CLPTM1L: variants seen among roughly 807,000 people sequenced by gnomAD.
The protein encoded by CLPTM1L is CLPTM1 like.
CLPTM1L carries 38 observed loss-of-function variants against 70.9 expected under a neutral mutation model. The observed-to-expected ratio is 0.54, with a 90% CI of 0.41 to 0.70. The LOEUF (loss-of-function observed/expected upper bound fraction) is 0.70, where lower values mean the gene tolerates loss of function less well. Ranked by LOEUF, CLPTM1L falls within the 30% of genes least tolerant of loss-of-function variation. The pLI, the probability that CLPTM1L is intolerant of heterozygous loss-of-function variation, is 0.00. For synonymous variants in CLPTM1L, 339 were observed against 299.9 expected (o/e 1.13, Z -1.35); for missense variants, 652 against 705.9 (o/e 0.92, Z 0.87).
At chr5:1,326,773 GCTC>G (rs1448670603) in intron 9 of CLPTM1L, among the ~76,000 whole-genome samples, 1 of 150,258 alleles carries the variant, frequency 6.7e-6, no homozygotes, top group East Asian at 2.0e-4. Flanking sequence ...AATCCATCCA[GCTC>G]CTCCTCTACA....
At position 1,341,565 on chromosome 5, in the gene CLPTM1L, A is replaced by G. The variant is rs1015977109; in HGVS notation, c.453+106T>C. On this transcript the variant is annotated intron_variant, in intron 3 of 16. Transcript: ENST00000320895. Reference sequence around the variant, plus strand: ...TCCAATGGCTTTTGGCTTTACTCCCAACAAAGTCACTGGAGCCCTAGACAT... The same window carrying G: ...TCCAATGGCTTTTGGCTTTACTCCCGACAAAGTCACTGGAGCCCTAGACAT... 8.0e-6 allele frequency: 8 copies of G among 993,986 alleles called. No individual in the cohort carries two copies. The African/African-American group carries it at 1.1e-4, about 14-fold the overall frequency. 61.6% of individuals were successfully genotyped at this position (993,986 alleles called of 1,614,324 possible).
intron 9 of CLPTM1L, 124 bp from the exon 10 acceptor site, chr5:1,325,940 C>T: frequency 2.6e-6 from 2 of 756,494 alleles, no homozygotes; most frequent in African/African-American, 1.7e-5. Flanking sequence ...CTGTCCTCTT[C>T]CTGTCCCTCC....
In CLPTM1L at chr5:1,338,897, A is replaced by G; in HGVS notation, c.562T>C (p.Ser188Pro). Reference protein sequence around the residue: ...VMADNFVFDGSSLPADVHRYM... With the variant: ...VMADNFVFDGPSLPADVHRYM... ...CGATGCACATCGGCAGGCAGGGAGG[A>G]CCCGTCAAAGACAAAGTTGTCCGCC... Residue 188 changes from serine to proline, a missense_variant, in exon 4 of 17, where the codon TCC becomes CCC. By Grantham distance (74) the Ser-to-Pro change is moderately conservative. This residue lies in a region of CLPTM1L where 402 missense variants were observed against 388.2 expected (regional missense o/e 1.04). Transcript: ENST00000320895. 1 of 1,613,280 alleles carries G rather than the reference A, an allele frequency of 6.2e-7. No individual in the cohort carries two copies. Among genetic ancestry groups the G allele is most frequent in the Non-Finnish European group, 8.5e-7 (1 of 1,180,036 alleles).
intron 2 of CLPTM1L, 75 bp downstream of exon 2, chr5:1,344,276 A>C: frequency 9.9e-7 from 1 of 1,008,700 alleles, no homozygotes; most frequent in South Asian, 1.3e-5. Flanking sequence ...TGTTATGTAC[A>C]GAAAGCTAAC....
intron 7 of CLPTM1L, chr5:1,332,236 C>A: frequency 3.9e-6 from 1 of 258,280 alleles, no homozygotes; most frequent in Non-Finnish European, 7.5e-6. Flanking sequence ...CCTCATCTCT[C>A]AACTGTGCTA....
chr5:1,344,454 G>A lies in CLPTM1L; in HGVS notation c.163-3C>T. ...CTCGTCGTGGTGTACACGCTCAGCT[G>A]GAAAGGAGGGGGCGTCGAGAGTCAG... On this transcript the variant is annotated splice_region_variant and splice_polypyrimidine_tract_variant and intron_variant, in intron 1 of 16. Coordinates refer to ENST00000320895, the MANE Select transcript of CLPTM1L (RefSeq NM_030782.5). The A allele has an allele frequency of 1.2e-6, 2 of 1,611,844 alleles. No individual in the cohort carries two copies. The highest frequency in any genetic ancestry group is 1.7e-6 in the Non-Finnish European group (2 of 1,178,390).
intron 7 of CLPTM1L, among the ~76,000 whole-genome samples, chr5:1,333,504 G>A: frequency 1.4e-5 from 2 of 145,336 alleles, no homozygotes; most frequent in Non-Finnish European, 1.5e-5. Context: ...GAGGATAAGG[G>A]GGGACTACTG....
Position 1,344,716 on chromosome 5 carries a change from G to A in CLPTM1L, c.126C>T (p.Cys42=). 8 of 1,589,812 alleles carry A rather than the reference G, an allele frequency of 5.0e-6. No individual in the cohort carries two copies. The highest frequency in any genetic ancestry group is 1.7e-4 in the Middle Eastern group (1 of 6,034). Residue 42 remains cysteine, a synonymous_variant, in exon 1 of 17, where the codon TGC becomes TGT. Transcript: ENST00000320895. ...GCCGCCGCGCCAGGTAGGGCTGGATGCAGTTGGCGTCGCCGGAGCACGGGC... is the reference window on the plus strand; with the variant it reads ...GCCGCCGCGCCAGGTAGGGCTGGATACAGTTGGCGTCGCCGGAGCACGGGC... ...YTRPCSGDAN[C]IQPYLARRPK...
At chr5:1,323,336 AAC>A (rs1358578558) in intron 12 of CLPTM1L, among the ~76,000 whole-genome samples, 1 of 127,980 alleles carries the variant, frequency 7.8e-6, no homozygotes, top group African/African-American at 2.6e-5. Context: ...CCACCTGGGC[AAC>A]AGAGGCTGGG....
At chr5:1,343,306 CAGGCAGAGGGT>C (rs1296580946) in intron 2 of CLPTM1L, among the ~76,000 whole-genome samples, 2 of 152,270 alleles carry the variant, frequency 1.3e-5, no homozygotes, top group East Asian at 3.9e-4. Flanking sequence ...TGTCTCTCTT[CAGGCAGAGGGT>C]GCAGGGCTGT....
In CLPTM1L at chr5:1,331,783, C is replaced by T. The variant is rs372893688; in HGVS notation, c.976+16G>A. ...GGGGCAGAGTATCTGAGCAGGGCCA[C>T]GCTCGGGGGGCCTACCTGCCTTGGT... On this transcript the variant is annotated intron_variant, in intron 8 of 16. Transcript: ENST00000320895. The T allele has an allele frequency of 1.4e-5, 22 of 1,611,556 alleles. No homozygotes were observed. Among genetic ancestry groups the T allele is most frequent in the African/African-American group, 8.0e-5 (6 of 74,926 alleles).
chr5:1,335,048 G>T lies in CLPTM1L; in HGVS notation c.796+9C>A, dbSNP rs370635276. On this transcript the variant is annotated intron_variant, in intron 6 of 16. Transcript: ENST00000320895. ...CCTCACCCAGGCGCCGGCCGTGTGC[G>T]GCACATACCGAACTGCTGCAGGGAG... The T allele has an allele frequency of 6.2e-7, 1 of 1,609,516 alleles. No individual in the cohort carries two copies. The highest frequency in any genetic ancestry group is 1.1e-5 in the South Asian group (1 of 91,008).
intron 5 of CLPTM1L, among the ~76,000 whole-genome samples, chr5:1,336,610 C>T (rs943470548): frequency 1.3e-5 from 2 of 152,210 alleles, no homozygotes; most frequent in African/African-American, 4.8e-5. Flanking sequence ...TTTAGCAGAA[C>T]TTGCTGTCCT....
chr5:1,319,839 G>A lies in CLPTM1L; in HGVS notation c.1532+777C>T, dbSNP rs542006281. Among the ~76,000 whole-genome samples, 15 of 152,360 alleles carry A rather than the reference G, an allele frequency of 9.8e-5. No homozygotes were observed. The South Asian group carries it at 2.5e-3, about 25-fold the overall frequency. ...GACCCCTGGACAAGGCCCTGGGGCCGGCACTGGAGGTGAGGGCAGTGCTTG... is the reference window on the plus strand; with the variant it reads ...GACCCCTGGACAAGGCCCTGGGGCCAGCACTGGAGGTGAGGGCAGTGCTTG... On this transcript the variant is annotated intron_variant, in intron 16 of 16. Coordinates refer to ENST00000320895, the MANE Select transcript of CLPTM1L (RefSeq NM_030782.5).
chr5:1,335,454 C>T (rs563815189), intron 5 of CLPTM1L, among the ~76,000 whole-genome samples: 2 of 152,356 alleles, frequency 1.3e-5, no homozygotes, highest in African/African-American at 4.8e-5. Context: ...CGTGCCCCTT[C>T]AATTTTAAGC....
Position 1,343,566 on chromosome 5 carries a change from C to T in CLPTM1L, c.263+785G>A, listed in dbSNP as rs924649980. 3.3e-5 allele frequency among the ~76,000 whole-genome samples: 5 copies of T among 152,354 alleles called. No homozygotes were observed. In the East Asian group the frequency reaches 5.8e-4, roughly 18 times the overall value. ...AAAGGTGTGGGCAGCTACAACCGAG[C>T]GGGCAGCTTGGTCACCAGCACTTCT... On this transcript the variant is annotated intron_variant, in intron 2 of 16. Transcript: ENST00000320895.
chr5:1,341,528 C>T (rs532580136), intron 3 of CLPTM1L, 143 bp downstream of exon 3: 5 of 627,102 alleles, frequency 8.0e-6, no homozygotes, highest in South Asian at 4.8e-5. Flanking sequence ...CAGAAATGCA[C>T]GCCAGTAACA....
chr5:1,341,778 G>A lies in CLPTM1L; in HGVS notation c.346C>T (p.Leu116=). The change falls in exon 3 of 17, where the codon CTG becomes TTG. Residue 116 remains leucine (L), a synonymous_variant. Transcript: ENST00000320895. ...AYIFLHHAGV[L]PWHDGKQVHL... ...ACCTGCTTCCCGTCGTGCCACGGCA[G>A]GACCCCAGCGTGATGGAGGAAGATG... 1 of 1,614,012 alleles carries A rather than the reference G, an allele frequency of 6.2e-7. No individual in the cohort carries two copies. Among genetic ancestry groups the A allele is most frequent in the Non-Finnish European group, 8.5e-7 (1 of 1,179,964 alleles).
At chr5:1,339,901 G>A (rs1753833489) in intron 3 of CLPTM1L, among the ~76,000 whole-genome samples, 1 of 148,350 alleles carries the variant, frequency 6.7e-6, no homozygotes, top group Non-Finnish European at 1.5e-5. Flanking sequence ...GGACAGCAGG[G>A]TCAGCGCCCT....
Sources: allele counts gnomAD v4.1 joint callset (sites outside exome capture counted in the v4.1 genomes callset), GRCh38; gene constraint gnomAD v4.1.1; regional missense constraint gnomAD v4.1.1; transcripts MANE v1.5; gene names NCBI Gene and HGNC (gene_info 2026-07-23, HGNC 2026-07-21).